Variants in YTHDF1 observed in about 807,000 individuals in gnomAD.
YTHDF1 encodes YTH N6-methyladenosine RNA binding protein F1, also known as YTH domain-containing family protein 1.
Under a neutral mutation model 49.1 loss-of-function variants are expected in YTHDF1, and 16 were observed. That is an observed-to-expected ratio of 0.33 (90% CI 0.22 to 0.49). The LOEUF (loss-of-function observed/expected upper bound fraction) is 0.49, where lower values mean the gene tolerates loss of function less well. YTHDF1 is among the 20% of genes least tolerant of loss of function. The pLI, the probability that YTHDF1 is intolerant of heterozygous loss-of-function variation, is 0.99. For synonymous variants in YTHDF1, 313 were observed against 290.1 expected (o/e 1.08, Z -0.80); for missense variants, 621 against 744.3 (o/e 0.83, Z 1.93).
chr20:63,197,628 C>T (rs2066498354), intron 4 of YTHDF1, among the ~76,000 whole-genome samples: 1 of 152,158 alleles, frequency 6.6e-6, no homozygotes, highest in African/African-American at 2.4e-5. Context: ...CCTGTAATCC[C>T]AGCTATTCGG....
At position 63,203,769 on chromosome 20, in the gene YTHDF1, G is replaced by A; in HGVS notation, c.171C>T (p.Ser57=). The A allele has an allele frequency of 6.2e-7, 1 of 1,613,202 alleles. No individual in the cohort carries two copies. The highest frequency in any genetic ancestry group is 8.5e-7 in the Non-Finnish European group (1 of 1,179,254). Residue 57 remains serine, a synonymous_variant, in exon 4 of 5, where the codon TCC becomes TCT. Transcript: ENST00000370339. The surrounding 1 kb of genome is among the most constrained non-coding windows in gnomAD (Gnocchi z 4.4). ...ATCCAATGGACGGCGGGTAATAGCT[G>A]GACAGGTAGGGGTCGCTCATTGAGG... ...SYPSMSDPYL[S]SYYPPSIGFP...
chr20:63,203,220 C>T lies in YTHDF1; in HGVS notation c.720G>A (p.Lys240=), dbSNP rs150240178. The T allele has an allele frequency of 6.2e-7, 1 of 1,613,906 alleles. No individual in the cohort carries two copies. The highest frequency in any genetic ancestry group is 8.5e-7 in the Non-Finnish European group (1 of 1,180,044). The part of the protein sequence containing the change: ...KPTSWAAIAS[K]PAKPQPKMKT... ...TCATTTTAGGCTGTGGTTTTGCAGG[C>T]TTGCTGGCAATGGCAGCCCACGAGG... Residue 240 remains lysine, a synonymous_variant, in exon 4 of 5, where the codon AAG becomes AAA. Transcript: ENST00000370339. This position sits in a 1 kb window ranked among gnomAD's most constrained non-coding sequence, Gnocchi z 4.4.
chr20:63,206,589 G>A (rs751170240), intron 3 of YTHDF1, among the ~76,000 whole-genome samples: 3 of 152,172 alleles, frequency 2.0e-5, no homozygotes, highest in African/African-American at 4.8e-5. Context: ...CACAGAAGAC[G>A]GTGACGCTAA....
At chr20:63,202,196 C>A (rs1302169857) in intron 4 of YTHDF1, 91 bp downstream of exon 4, 1 of 1,491,588 alleles carries the variant, frequency 6.7e-7, no homozygotes, top group East Asian at 2.3e-5. Flanking sequence ...CTCGGCGGAC[C>A]TGCCGCATCT....
At chr20:63,205,776 T>C (rs1321293307) in intron 3 of YTHDF1, among the ~76,000 whole-genome samples, 1 of 152,210 alleles carries the variant, frequency 6.6e-6, no homozygotes, top group Non-Finnish European at 1.5e-5. Flanking sequence ...CCCAAAGTGC[T>C]GGAATTACAG....
intron 4 of YTHDF1, among the ~76,000 whole-genome samples, chr20:63,197,707 A>C (rs1398466353): frequency 6.6e-6 from 1 of 152,062 alleles, no homozygotes; most frequent in Non-Finnish European, 1.5e-5. Context: ...TCTGCCCTGC[A>C]CTCCAGCCTG....
Position 63,215,887 on chromosome 20 carries a change from C to G in YTHDF1, c.6G>C (p.Ser2=), listed in dbSNP as rs1460562012. 2 of 1,445,680 alleles carry G rather than the reference C, an allele frequency of 1.4e-6. No homozygotes were observed. The highest frequency in any genetic ancestry group is 1.8e-6 in the Non-Finnish European group (2 of 1,098,494). The allele number at this position is 1,445,680 out of a possible 1,614,324, so 89.6% of individuals were successfully genotyped here. ...CTACCTGGGTGTCCACGCTGGTGGC[C>G]GACATGCTTCATGAACAACTAGACG... M[S]ATSVDTQRTK... Residue 2 remains serine, a synonymous_variant, in exon 1 of 5, where the codon TCG becomes TCC. Transcript: ENST00000370339.
chr20:63,198,064 C>T (rs2066500584), intron 4 of YTHDF1, among the ~76,000 whole-genome samples: 1 of 152,054 alleles, frequency 6.6e-6, no homozygotes, highest in South Asian at 2.1e-4. Context: ...CATTTCCTCC[C>T]TACCCTCAAA....
At chr20:63,205,036 G>A (rs1453561856) in intron 3 of YTHDF1, among the ~76,000 whole-genome samples, 4 of 151,876 alleles carry the variant, frequency 2.6e-5, no homozygotes, top group Admixed American at 6.6e-5. Flanking sequence ...AGTAAAACAC[G>A]GGGCTCTCCA....
chr20:63,211,305 A>C (rs1304420821), intron 3 of YTHDF1, among the ~76,000 whole-genome samples: 1 of 152,078 alleles, frequency 6.6e-6, no homozygotes, highest in Non-Finnish European at 1.5e-5. Context: ...TGTCTACTAA[A>C]AATTTAAAAA....
chr20:63,203,048 G>C lies in YTHDF1; in HGVS notation c.892C>G (p.Pro298Ala), dbSNP rs2122977569. Residue 298 changes from proline (P) to alanine (A), a missense_variant, in exon 4 of 5, where the codon CCC (proline) becomes GCC (alanine). By Grantham distance (27) the Pro-to-Ala change is conservative. Around this residue, in one of 2 missense-constraint regions of YTHDF1, gnomAD observed 470 missense variants for 495.8 expected, o/e 0.95. Coordinates refer to ENST00000370339, the MANE Select transcript of YTHDF1 (RefSeq NM_017798.4). The surrounding 1 kb of genome is among the most constrained non-coding windows in gnomAD (Gnocchi z 4.4). The stretch of plus-strand genomic sequence containing the variant: ...GGGAGAGGCTGAGCCACCTGCTGGG[G>C]CTGTGGGGCAGCCTGTGGAGAGGGT... The part of the protein sequence containing the change: ...QAPSPQAAPQ[P>A]QQVAQPLPAQ... The C allele has an allele frequency of 1.9e-6, 3 of 1,606,520 alleles. 1 individual carries two copies. The South Asian group carries it at 3.3e-5, about 18-fold the overall frequency.
chr20:63,203,097 C>T lies in YTHDF1; in HGVS notation c.843G>A (p.Pro281=), dbSNP rs542852740. ...GTGCCTGCTGGGGGACTGGGGCCTTCGGCACAGGCCCCTTGTTATCCCAGG... is the reference window on the plus strand; with the variant it reads ...GTGCCTGCTGGGGGACTGGGGCCTTTGGCACAGGCCCCTTGTTATCCCAGG... The part of the protein sequence containing the change: ...IGTWDNKGPV[P]KAPVPQQAPS... The change falls in exon 4 of 5, where the codon CCG becomes CCA. Residue 281 remains proline (P), a synonymous_variant. Transcript: ENST00000370339. The surrounding 1 kb of genome is among the most constrained non-coding windows in gnomAD (Gnocchi z 4.4). 3 of 1,607,966 alleles carry T rather than the reference C, an allele frequency of 1.9e-6. No homozygotes were observed. The highest frequency in any genetic ancestry group is 2.2e-5 in the East Asian group (1 of 44,790).
intron 1 of YTHDF1, 35 bp downstream of exon 1, chr20:63,215,830 GC>G (rs1288321809): frequency 4.1e-6 from 6 of 1,453,094 alleles, no homozygotes; most frequent in South Asian, 2.7e-5. Context: ...CCGCGCCTCG[GC>G]CCCGGCCGCG....
intron 3 of YTHDF1, among the ~76,000 whole-genome samples, chr20:63,209,360 CTCT>C (rs1232255338): frequency 2.6e-5 from 4 of 152,210 alleles, no homozygotes; most frequent in African/African-American, 9.7e-5. Flanking sequence ...AGGTTTTTGA[CTCT>C]TTTGTAAACA....
In YTHDF1 at chr20:63,202,806, G is replaced by A. The variant is rs765330318; in HGVS notation, c.1134C>T (p.Asn378=). Reference sequence around the variant, plus strand: ...TCAGATTCCACTCAAACTCTTTCGGGTTGTAGCTGTGAGCAGCCTTCAGTT... The same window carrying A: ...TCAGATTCCACTCAAACTCTTTCGGATTGTAGCTGTGAGCAGCCTTCAGTT... ...LEKLKAAHSY[N]PKEFEWNLKS... is the part of the protein sequence containing the mutation. The change falls in exon 4 of 5, where the codon AAC becomes AAT. Residue 378 remains asparagine, a synonymous_variant. Transcript: ENST00000370339. 12 of 1,613,968 alleles carry A rather than the reference G, an allele frequency of 7.4e-6. No individual in the cohort carries two copies. Among genetic ancestry groups the A allele is most frequent in the Middle Eastern group, 3.3e-4 (2 of 6,084 alleles).
At chr20:63,197,112 C>T (rs1197178989) in intron 4 of YTHDF1, among the ~76,000 whole-genome samples, 23 of 152,220 alleles carry the variant, frequency 1.5e-4, no homozygotes, top group Admixed American at 1.3e-3. Flanking sequence ...GGAGCTGGCA[C>T]GCACCAGGCT....
At chr20:63,214,874 C>G (rs1323329399) in intron 2 of YTHDF1, among the ~76,000 whole-genome samples, 10 of 152,204 alleles carry the variant, frequency 6.6e-5, no homozygotes, top group Admixed American at 4.6e-4. Flanking sequence ...CAGTTCTCAG[C>G]GTAGCTTTCT....
At chr20:63,213,684 C>T (rs967650670) in intron 3 of YTHDF1, among the ~76,000 whole-genome samples, 180 bp downstream of exon 3, 1 of 152,198 alleles carries the variant, frequency 6.6e-6, no homozygotes, top group African/African-American at 2.4e-5. Context: ...AAATCATTTT[C>T]ACCCCACTGA....
chr20:63,201,961 G>C (rs900638469), intron 4 of YTHDF1, among the ~76,000 whole-genome samples: 1 of 152,252 alleles, frequency 6.6e-6, no homozygotes, highest in Admixed American at 6.5e-5. Context: ...AAAAGGAGAG[G>C]AGAAAGTTAC....
Sources: gnomAD v4.1 joint callset for allele counts (sites outside exome capture counted in the v4.1 genomes callset) on GRCh38, gnomAD v4.1.1 for gene constraint, gnomAD v4.1.1 regional missense constraint, Gnocchi (gnomAD v3.1) non-coding constraint, MANE v1.5 for transcripts, NCBI Gene and HGNC (gene_info 2026-07-23, HGNC 2026-07-21) for gene names.